The following HIPK3 variants were observed in gnomAD, a reference collection of about 807,000 sequenced individuals.
HIPK3 encodes the protein homeodomain interacting protein kinase 3, also known as homeodomain-interacting protein kinase 3.
Under a neutral mutation model 124.2 loss-of-function variants are expected in HIPK3, and 47 were observed. The ratio of observed to expected loss-of-function variants is 0.38; its 90% CI spans 0.30 to 0.48. The LOEUF (loss-of-function observed/expected upper bound fraction) is 0.48. HIPK3 is among the 20% of genes least tolerant of loss of function. The probability of loss-of-function intolerance (pLI) is 0.98; values close to 1 mark genes in which losing one functional copy is unlikely to be tolerated. For synonymous variants in HIPK3, 482 were observed against 515.2 expected (o/e 0.94, Z 0.87); for missense variants, 1,286 against 1,454.3 (o/e 0.88, Z 1.88).
intron 1 of HIPK3, among the ~76,000 whole-genome samples, chr11:33,268,558 T>C (rs936422810): frequency 5.7e-4 from 79 of 138,866 alleles, no homozygotes; most frequent in African/African-American, 2.1e-3. Flanking sequence ...ACCACTGCAT[T>C]GCACCTTGGA....
intron 1 of HIPK3, among the ~76,000 whole-genome samples, chr11:33,258,924 T>A (rs77594497): frequency 0.026 from 3,908 of 150,776 alleles, 155 homozygotes; most frequent in African/African-American, 0.09. Context: ...CAGCAAAAAA[T>A]TTCAGTTTAT....
intron 2 of HIPK3, among the ~76,000 whole-genome samples, chr11:33,308,540 C>G (rs905788112): frequency 3.3e-5 from 5 of 151,828 alleles, no homozygotes; most frequent in Non-Finnish European, 2.9e-5. Context: ...ATGTCCTTTT[C>G]CCCCCTCTGG....
intron 2 of HIPK3, among the ~76,000 whole-genome samples, chr11:33,314,633 G>A (rs929785671): frequency 1.3e-5 from 2 of 152,032 alleles, no homozygotes; most frequent in African/African-American, 2.4e-5. Context: ...TCCAGCCTGG[G>A]TGACAGAGAG....
intron 4 of HIPK3, among the ~76,000 whole-genome samples, chr11:33,338,180 A>G (rs1262037675): frequency 1.3e-5 from 2 of 152,220 alleles, no homozygotes; most frequent in Non-Finnish European, 2.9e-5. Context: ...CAAGTGTGCT[A>G]GGATCTTTGG....
chr11:33,287,001 C>T lies in HIPK3; in HGVS notation c.587C>T (p.Thr196Ile). ...GAAGTCTTATGCTCCATGAAAAATA[C>T]TTACGAAGTCCTTGATTTTCTTGGT... Reference protein sequence around the residue: ...QHEVLCSMKNTYEVLDFLGRG... With the variant: ...QHEVLCSMKNIYEVLDFLGRG... Residue 196 changes from threonine to isoleucine, a missense_variant, in exon 2 of 17, where the codon ACT becomes ATT. Around this residue, in one of 3 missense-constraint regions of HIPK3, gnomAD observed 225 missense variants for 240.3 expected, o/e 0.94. Transcript: ENST00000303296. 1 of 1,614,152 alleles carries T rather than the reference C, an allele frequency of 6.2e-7. No homozygotes were observed. The highest frequency in any genetic ancestry group is 8.5e-7 in the Non-Finnish European group (1 of 1,180,016).
intron 8 of HIPK3, among the ~76,000 whole-genome samples, chr11:33,345,496 G>A (rs374299699): frequency 6.6e-6 from 1 of 152,122 alleles, no homozygotes. Context: ...CCTGTGGAGA[G>A]GGTATATAGG....
At chr11:33,265,608 T>C (rs1850933331) in intron 1 of HIPK3, among the ~76,000 whole-genome samples, 1 of 150,502 alleles carries the variant, frequency 6.6e-6, no homozygotes. Flanking sequence ...ACCCCATCTC[T>C]ACAAAAAATA....
At chr11:33,296,303 C>G (rs2133918121) in intron 2 of HIPK3, among the ~76,000 whole-genome samples, 1 of 152,232 alleles carries the variant, frequency 6.6e-6, no homozygotes, top group South Asian at 2.1e-4. Flanking sequence ...CTTTTTCTGT[C>G]CAGCCCTTGG....
At chr11:33,350,398 G>A (rs1853621518) in intron 14 of HIPK3, among the ~76,000 whole-genome samples, 1 of 152,052 alleles carries the variant, frequency 6.6e-6, no homozygotes, top group South Asian at 2.1e-4. Flanking sequence ...TAGGCACAGT[G>A]GCCAACACTT....
chr11:33,310,872 G>A (rs565130605), intron 2 of HIPK3, among the ~76,000 whole-genome samples: 7 of 152,276 alleles, frequency 4.6e-5, no homozygotes, highest in Admixed American at 6.5e-5. Flanking sequence ...AAGGGAGACC[G>A]GTCTGTTTCA....
intron 2 of HIPK3, among the ~76,000 whole-genome samples, chr11:33,302,207 A>T (rs1400548557): frequency 1.3e-5 from 2 of 151,784 alleles, no homozygotes; most frequent in East Asian, 1.9e-4. Flanking sequence ...TTCCTTCCCA[A>T]TTTTTCCTAA....
At chr11:33,352,861 T>A (rs117601876) in intron 16 of HIPK3, among the ~76,000 whole-genome samples, 5,634 of 152,158 alleles carry the variant, frequency 0.037, 176 homozygotes, top group South Asian at 0.053. Context: ...GCAGCAGTAA[T>A]AGCAGTGTTT....
intron 2 of HIPK3, among the ~76,000 whole-genome samples, chr11:33,299,396 T>C (rs1378735345): frequency 1.3e-5 from 2 of 151,390 alleles, no homozygotes; most frequent in Non-Finnish European, 2.9e-5. Flanking sequence ...CGCTGGAACC[T>C]GGGTGGCAGA....
At chr11:33,314,619 G>A (rs534263258) in intron 2 of HIPK3, among the ~76,000 whole-genome samples, 9 of 152,080 alleles carry the variant, frequency 5.9e-5, no homozygotes, top group Non-Finnish European at 1.0e-4. Flanking sequence ...TTGTGTCACT[G>A]CACTCCAGCC....
At chr11:33,305,342 A>C (rs1420880385) in intron 2 of HIPK3, among the ~76,000 whole-genome samples, 1 of 151,998 alleles carries the variant, frequency 6.6e-6, no homozygotes, top group Non-Finnish European at 1.5e-5. Context: ...TATTACCTTG[A>C]AATAAGTTTT....
At chr11:33,304,369 C>T (rs1215761810) in intron 2 of HIPK3, among the ~76,000 whole-genome samples, 2 of 152,182 alleles carry the variant, frequency 1.3e-5, no homozygotes, top group Admixed American at 6.5e-5. Flanking sequence ...ACCAACCTGA[C>T]GAACATGGAG....
intron 1 of HIPK3, among the ~76,000 whole-genome samples, chr11:33,278,473 T>C (rs1851327395): frequency 6.6e-6 from 1 of 152,028 alleles, no homozygotes; most frequent in African/African-American, 2.4e-5. Context: ...ACTGGATCCA[T>C]GTAAAGACCA....
chr11:33,277,030 C>G (rs980683957), intron 1 of HIPK3, among the ~76,000 whole-genome samples: 1 of 152,054 alleles, frequency 6.6e-6, no homozygotes, highest in African/African-American at 2.4e-5. Flanking sequence ...TAAAAATAAA[C>G]AATTACTAAA....
intron 2 of HIPK3, among the ~76,000 whole-genome samples, chr11:33,311,371 A>G (rs1181616420): frequency 6.6e-6 from 1 of 152,152 alleles, no homozygotes; most frequent in East Asian, 1.9e-4. Context: ...TTTTGTGTAG[A>G]GACGAAGTCT....
Sources: allele counts gnomAD v4.1 joint callset (sites outside exome capture counted in the v4.1 genomes callset), GRCh38; gene constraint gnomAD v4.1.1; regional missense constraint gnomAD v4.1.1; transcripts MANE v1.5; gene names NCBI Gene and HGNC (gene_info 2026-07-23, HGNC 2026-07-21).